Variants in RPS6KA1 observed in about 807,000 individuals in gnomAD.
RPS6KA1 encodes ribosomal protein S6 kinase alpha-1.
In RPS6KA1, 48 loss-of-function variants were observed where a neutral mutation model predicts 91.3. The ratio of observed to expected loss-of-function variants is 0.53; its 90% CI spans 0.42 to 0.67. The LOEUF (loss-of-function observed/expected upper bound fraction) is 0.67. Ranked by LOEUF, RPS6KA1 falls within the 30% of genes least tolerant of loss-of-function variation. The probability of loss-of-function intolerance (pLI) is 0.00; values close to 1 mark genes in which losing one functional copy is unlikely to be tolerated. For synonymous variants in RPS6KA1, 359 were observed against 384.7 expected, an observed-to-expected ratio of 0.93 and a Z score of 0.78; for missense variants, 719 against 960.5, an observed-to-expected ratio of 0.75 and a Z score of 3.32.
chr1:26,565,022 C>G (rs2076186916), intron 17 of RPS6KA1, among the ~76,000 whole-genome samples: 1 of 152,222 alleles, frequency 6.6e-6, no homozygotes, highest in Non-Finnish European at 1.5e-5. Context: ...CAGTGAGCTC[C>G]TTCCACTAGG....
intron 4 of RPS6KA1, among the ~76,000 whole-genome samples, chr1:26,548,350 G>A (rs796374082): frequency 7.2e-5 from 11 of 152,266 alleles, no homozygotes; most frequent in African/African-American, 2.6e-4. Flanking sequence ...TGGTGGTGTA[G>A]TCTTGTAGAG....
Position 26,560,736 on chromosome 1 carries a change from G to T in RPS6KA1, c.1226G>T (p.Gly409Val). The change falls in exon 15 of 22, where the codon GGG becomes GTG. Residue 409 changes from glycine (G) to valine (V), a missense_variant. Gly to Val is a moderately radical substitution (Grantham distance 109). Transcript: ENST00000374168. ...TTTGGTCTCCTACAGCAACTCCATG[G>T]GAAGAACCTGGTTTTTAGTGACGGC... Reference protein sequence around the residue: ...PLHSVVQQLHGKNLVFSDGYV... With the variant: ...PLHSVVQQLHVKNLVFSDGYV... 6.2e-7 allele frequency: 1 copy of T among 1,614,152 alleles called. No homozygotes were observed. The highest frequency in any genetic ancestry group is 8.5e-7 in the Non-Finnish European group (1 of 1,180,020).
Position 26,554,213 on chromosome 1 carries a change from G to C in RPS6KA1, c.576-1G>C. On this transcript the variant is annotated splice_acceptor_variant, in intron 7 of 21. Coordinates refer to ENST00000374168, the MANE Select transcript of RPS6KA1 (RefSeq NM_002953.4). LOFTEE classifies it high-confidence loss of function. This position sits in a 1 kb window ranked among gnomAD's most constrained non-coding sequence, Gnocchi z 4.6. The stretch of plus-strand genomic sequence containing the variant: ...CCCTGACCACTATTTCTCTATTACA[G>C]CATCCTTCTGGATGAGGAGGGCCAC... 6.4e-7 allele frequency: 1 copy of C among 1,554,442 alleles called. No individual in the cohort carries two copies. The highest frequency in any genetic ancestry group is 2.4e-5 in the East Asian group (1 of 41,316).
intron 2 of RPS6KA1, chr1:26,544,121 G>A (rs1195672016): frequency 8.8e-6 from 4 of 456,144 alleles, no homozygotes; most frequent in African/African-American, 8.0e-5. Context: ...CCTTCCTGGG[G>A]ATCCCTGCCC....
intron 4 of RPS6KA1, among the ~76,000 whole-genome samples, chr1:26,548,978 G>A (rs185943142): frequency 6.6e-6 from 1 of 151,696 alleles, no homozygotes; most frequent in East Asian, 1.9e-4. Context: ...GCTTCTACTT[G>A]TAGCAAGGGC....
chr1:26,551,548 T>C lies in RPS6KA1; in HGVS notation c.388+71T>C. ...GCCCTTGCCTGTGGTCTGTACACTGTCCCACCGCCTGCCTGGCAGGCCAAG... is the reference window on the plus strand; with the variant it reads ...GCCCTTGCCTGTGGTCTGTACACTGCCCCACCGCCTGCCTGGCAGGCCAAG... On this transcript the variant is annotated intron_variant, in intron 5 of 21. Transcript: ENST00000374168. This position sits in a 1 kb window ranked among gnomAD's most constrained non-coding sequence, Gnocchi z 4.5. 6.2e-7 allele frequency: 1 copy of C among 1,600,546 alleles called. No individual in the cohort carries two copies. The highest frequency in any genetic ancestry group is 8.6e-7 in the Non-Finnish European group (1 of 1,167,774).
At chr1:26,543,130 G>A (rs1291525412) in intron 2 of RPS6KA1, 43 of 1,535,130 alleles carry the variant, frequency 2.8e-5, no homozygotes, top group Admixed American at 9.8e-5. Flanking sequence ...GAAGAGTAAC[G>A]GGGCCCTCTG....
rs2075939295 is a variant in RPS6KA1 at position 26,540,511 on chromosome 1, T to C, written c.108+3542T>C. On this transcript the variant is annotated intron_variant, in intron 2 of 21. Transcript: ENST00000374168. The surrounding 1 kb of genome is among the most constrained non-coding windows in gnomAD (Gnocchi z 4.2). ...TTTCTTGACTTCATGCACTGGCAAATAGTCACCACCTCTGGGCACCCACAA... is the reference window on the plus strand; with the variant it reads ...TTTCTTGACTTCATGCACTGGCAAACAGTCACCACCTCTGGGCACCCACAA... 6.6e-6 allele frequency among the ~76,000 whole-genome samples: 1 copy of C among 152,200 alleles called. No homozygotes were observed. The highest frequency in any genetic ancestry group is 1.5e-5 in the Non-Finnish European group (1 of 68,024).
intron 6 of RPS6KA1, among the ~76,000 whole-genome samples, chr1:26,552,378 C>T (rs1170638206): frequency 2.1e-5 from 2 of 96,116 alleles, no homozygotes; most frequent in Non-Finnish European, 3.8e-5. Flanking sequence ...CAGAGCGAGA[C>T]TCTGTCTCAA....
Position 26,556,987 on chromosome 1 carries a change from C to T in RPS6KA1, c.982-11C>T. On this transcript the variant is annotated splice_polypyrimidine_tract_variant and intron_variant, in intron 12 of 21. Transcript: ENST00000374168. ...TGCCATGGTGACCAGAGTGCCCACC[C>T]CACTGTGCAGAAGCTATACCGTCGT... is the stretch of plus-strand genomic sequence containing the variant. 1 of 1,608,506 alleles carries T rather than the reference C, an allele frequency of 6.2e-7. No individual in the cohort carries two copies. The highest frequency in any genetic ancestry group is 1.3e-5 in the African/African-American group (1 of 74,970).
intron 2 of RPS6KA1, among the ~76,000 whole-genome samples, chr1:26,544,513 C>T (rs1039174573): frequency 6.7e-6 from 1 of 148,290 alleles, no homozygotes; most frequent in Non-Finnish European, 1.5e-5. Flanking sequence ...CTCACTTTGT[C>T]GCCCAGGCTG....
Position 26,558,853 on chromosome 1 carries a change from G to C in RPS6KA1, c.1131G>C (p.Arg377=), listed in dbSNP as rs767144584. 1.2e-6 allele frequency: 2 copies of C among 1,613,782 alleles called. No individual in the cohort carries two copies. Among genetic ancestry groups the C allele is most frequent in the South Asian group, 1.1e-5 (1 of 91,066 alleles). Residue 377 remains arginine (R), a synonymous_variant, in exon 14 of 22, where the codon CGG becomes CGC. Coordinates refer to ENST00000374168, the MANE Select transcript of RPS6KA1 (RefSeq NM_002953.4). The surrounding 1 kb of genome is among the most constrained non-coding windows in gnomAD (Gnocchi z 4.0). The part of the protein sequence containing the change: ...PPSAGAHQLF[R]GFSFVATGLM... Reference sequence around the variant, plus strand: ...GCGCTGGGGCCCATCAGCTGTTCCGGGGCTTCAGCTTCGTGGCCACCGGCC... The same window carrying C: ...GCGCTGGGGCCCATCAGCTGTTCCGCGGCTTCAGCTTCGTGGCCACCGGCC...
intron 4 of RPS6KA1, among the ~76,000 whole-genome samples, chr1:26,549,662 C>T (rs1408562087): frequency 6.6e-6 from 1 of 150,558 alleles, no homozygotes; most frequent in Non-Finnish European, 1.5e-5. Context: ...CCAAAATGAA[C>T]CTAGGCAGCC....
At chr1:26,543,103 A>G (rs1570426710) in intron 2 of RPS6KA1, 10 of 1,521,770 alleles carry the variant, frequency 6.6e-6, no homozygotes, top group African/African-American at 4.1e-5. Context: ...CAGGAAGGCT[A>G]AAAAAAGCAG....
At chr1:26,530,130 AC>A (rs1447756523) in intron 1 of RPS6KA1, 147 bp downstream of exon 1, 8 of 424,328 alleles carry the variant, frequency 1.9e-5, no homozygotes, top group South Asian at 1.0e-4. Flanking sequence ...GTCCGGCTCC[AC>A]CCCCCTATGC....
Position 26,555,522 on chromosome 1 carries a change from C to A in RPS6KA1, c.828-15C>A. The A allele has an allele frequency of 6.4e-7, 1 of 1,572,488 alleles. No homozygotes were observed. Reference sequence around the variant, plus strand: ...GGCAGGGCTCAGCCTTGATGAGTCCCGGGGGCTGTTTCAGGGCGAAGCTAG... The same window carrying A: ...GGCAGGGCTCAGCCTTGATGAGTCCAGGGGGCTGTTTCAGGGCGAAGCTAG... On this transcript the variant is annotated splice_polypyrimidine_tract_variant and intron_variant, in intron 10 of 21. Transcript: ENST00000374168. This position sits in a 1 kb window ranked among gnomAD's most constrained non-coding sequence, Gnocchi z 4.3.
At chr1:26,542,600 T>G (rs1450851519) in intron 2 of RPS6KA1, among the ~76,000 whole-genome samples, 1 of 152,232 alleles carries the variant, frequency 6.6e-6, no homozygotes, top group Non-Finnish European at 1.5e-5. Context: ...GGTCAGGCTT[T>G]CTGCCCGCCT....
At chr1:26,545,352 A>G (rs1014692564) in intron 2 of RPS6KA1, among the ~76,000 whole-genome samples, 2 of 118,210 alleles carry the variant, frequency 1.7e-5, no homozygotes, top group Admixed American at 8.2e-5. Context: ...TTTTTTTTGT[A>G]TTTTTAGTAG....
At chr1:26,559,028 C>A in intron 14 of RPS6KA1, 91 bp downstream of exon 14, 16 of 1,472,712 alleles carry the variant, frequency 1.1e-5, no homozygotes, top group Non-Finnish European at 1.4e-5. Flanking sequence ...CAGGTTCATA[C>A]CCTCATGCCA....
Sources: gnomAD v4.1 joint callset for allele counts (sites outside exome capture counted in the v4.1 genomes callset) on GRCh38, gnomAD v4.1.1 for gene constraint, Gnocchi (gnomAD v3.1) non-coding constraint, MANE v1.5 for transcripts, NCBI Gene and HGNC (gene_info 2026-07-23, HGNC 2026-07-21) for gene names.